The following GPC6 variants were observed in gnomAD, a reference collection of about 807,000 sequenced individuals.
GPC6 encodes glypican-6.
In GPC6, 14 loss-of-function variants were observed where a neutral mutation model predicts 55.2. That is an observed-to-expected ratio of 0.25 (90% CI 0.17 to 0.40). GPC6 has a LOEUF of 0.40. GPC6 is among the 10% of genes least tolerant of loss of function. The pLI, the probability that GPC6 is intolerant of heterozygous loss-of-function variation, is 1.00. For synonymous variants in GPC6, 278 were observed against 259.6 expected (o/e 1.07, Z -0.68); for missense variants, 641 against 708.5 (o/e 0.90, Z 1.08).
chr13:94,081,844 C>CT (rs201141414), intron 4 of GPC6, among the ~76,000 whole-genome samples: 19,162 of 132,944 alleles, frequency 0.14, 2,041 homozygotes, highest in East Asian at 0.46. Flanking sequence ...TACTACTTTC[C>CT]TTTTTTTTTT....
At chr13:93,679,098 C>T (rs1881753541) in intron 2 of GPC6, among the ~76,000 whole-genome samples, 2 of 151,972 alleles carry the variant, frequency 1.3e-5, no homozygotes, top group Non-Finnish European at 2.9e-5. Flanking sequence ...AATTGAGAAA[C>T]ATATTCTGAA....
chr13:93,963,427 C>A (rs975576843), intron 3 of GPC6, among the ~76,000 whole-genome samples: 5 of 152,298 alleles, frequency 3.3e-5, no homozygotes, highest in South Asian at 4.2e-4. Flanking sequence ...GTGATGCAAA[C>A]ATCTTCCACA....
chr13:93,983,429 G>A (rs537623106), intron 3 of GPC6, among the ~76,000 whole-genome samples: 2 of 151,830 alleles, frequency 1.3e-5, no homozygotes, highest in Admixed American at 1.3e-4. Flanking sequence ...TAAATTCATC[G>A]TGTTTTTTTT....
intron 1 of GPC6, among the ~76,000 whole-genome samples, chr13:93,298,400 C>T (rs968836898): frequency 1.3e-5 from 2 of 152,072 alleles, no homozygotes; most frequent in Admixed American, 1.3e-4. Flanking sequence ...AAGTCCTTGT[C>T]CTTCTAGCAG....
At chr13:93,266,533 T>C (rs1368248739) in intron 1 of GPC6, among the ~76,000 whole-genome samples, 1 of 152,184 alleles carries the variant, frequency 6.6e-6, no homozygotes, top group Non-Finnish European at 1.5e-5. Flanking sequence ...GAATAAATAC[T>C]GTTAGGATTC....
rs1317873254 is a variant in GPC6, at chr13:93,343,382, G to A, written c.160+115766G>A. On this transcript the variant is annotated intron_variant, in intron 1 of 8. Coordinates refer to ENST00000377047, the MANE Select transcript of GPC6 (RefSeq NM_005708.5). Reference sequence around the variant, plus strand: ...CTTGGCCAGAGACCATCGAGCCTGTGAGCATTGAAATTTCTTATTGCAAAG... The same window carrying A: ...CTTGGCCAGAGACCATCGAGCCTGTAAGCATTGAAATTTCTTATTGCAAAG... 2.0e-5 allele frequency among the ~76,000 whole-genome samples: 3 copies of A among 152,106 alleles called. No individual in the cohort carries two copies. In the East Asian group the frequency reaches 5.8e-4, roughly 29 times the overall value.
intron 1 of GPC6, among the ~76,000 whole-genome samples, chr13:93,461,601 GAAATCTAAA>G (rs774481940): frequency 9.7e-4 from 131 of 135,216 alleles, no homozygotes; most frequent in Non-Finnish European, 1.7e-3. Context: ...TAAATCATAG[GAAATCTAAA>G]AAATCAGCTA....
intron 1 of GPC6, among the ~76,000 whole-genome samples, chr13:93,515,556 T>A (rs1007744068): frequency 6.6e-6 from 1 of 152,216 alleles, no homozygotes. Context: ...GTGAGCCTTA[T>A]GTTTCTTCAA....
At chr13:94,012,137 C>T (rs1221660943) in intron 3 of GPC6, among the ~76,000 whole-genome samples, 1 of 152,076 alleles carries the variant, frequency 6.6e-6, no homozygotes, top group Non-Finnish European at 1.5e-5. Context: ...TTCTTCATGC[C>T]CATGGAAGTT....
intron 2 of GPC6, among the ~76,000 whole-genome samples, chr13:93,817,337 G>A (rs1442731832): frequency 6.6e-6 from 1 of 152,098 alleles, no homozygotes; most frequent in Non-Finnish European, 1.5e-5. Flanking sequence ...ATTTTGCAGT[G>A]TAGATTTATC....
At chr13:93,565,937 A>AC (rs111729513) in intron 2 of GPC6, among the ~76,000 whole-genome samples, 5,881 of 150,866 alleles carry the variant, frequency 0.039, 410 homozygotes, top group African/African-American at 0.13. Flanking sequence ...AAACAAACAA[A>AC]AAAAAAAAAG....
intron 1 of GPC6, among the ~76,000 whole-genome samples, chr13:93,336,083 AT>A (rs1880035502): frequency 6.6e-6 from 1 of 152,228 alleles, no homozygotes; most frequent in African/African-American, 2.4e-5. Flanking sequence ...ACTTCACATC[AT>A]CATAAAAAAG....
chr13:93,728,758 C>T (rs1365977343), intron 2 of GPC6, among the ~76,000 whole-genome samples: 1 of 151,598 alleles, frequency 6.6e-6, no homozygotes, highest in South Asian at 2.1e-4. Flanking sequence ...GTAGAGACAG[C>T]ATTTCACCAT....
At chr13:93,544,991 C>T (rs151198306) in intron 1 of GPC6, among the ~76,000 whole-genome samples, 8 of 151,982 alleles carry the variant, frequency 5.3e-5, no homozygotes, top group Non-Finnish European at 1.2e-4. Flanking sequence ...AAATAAAAGC[C>T]AGGAAAAAAT....
rs575215623 is a variant in GPC6 at position 93,874,061 on chromosome 13, C to T, written c.711+43516C>T. On this transcript the variant is annotated intron_variant, in intron 3 of 8. Coordinates refer to ENST00000377047, the MANE Select transcript of GPC6 (RefSeq NM_005708.5). Reference sequence around the variant, plus strand: ...TGTCTGGCAGCCAGATTTTAAAAAGCTTTTATTATAGCTTCAGGGGTACAT... The same window carrying T: ...TGTCTGGCAGCCAGATTTTAAAAAGTTTTTATTATAGCTTCAGGGGTACAT... Among the ~76,000 whole-genome samples the T allele has an allele frequency of 2.7e-4, 41 of 151,996 alleles. 1 individual carries two copies. Among genetic ancestry groups the T allele is most frequent in the African/African-American group, 9.2e-4 (38 of 41,528 alleles).
Position 94,306,647 on chromosome 13 carries a change from T to G in GPC6, c.1152+524T>G, listed in dbSNP as rs141514976. Among the ~76,000 whole-genome samples, 252 of 152,326 alleles carry G rather than the reference T, an allele frequency of 1.7e-3. 1 individual carries two copies. Among genetic ancestry groups the G allele is most frequent in the African/African-American group, 5.7e-3 (236 of 41,574 alleles). Reference sequence around the variant, plus strand: ...TTGGAATCCTTAGAATTAGTCACTCTTTGAGCTGTTTAGATGTGTGTCAGG... The same window carrying G: ...TTGGAATCCTTAGAATTAGTCACTCGTTGAGCTGTTTAGATGTGTGTCAGG... On this transcript the variant is annotated intron_variant, in intron 6 of 8. Coordinates refer to ENST00000377047, the MANE Select transcript of GPC6 (RefSeq NM_005708.5).
At chr13:94,112,815 C>T (rs748005417) in intron 4 of GPC6, among the ~76,000 whole-genome samples, 5 of 151,846 alleles carry the variant, frequency 3.3e-5, no homozygotes, top group Non-Finnish European at 7.4e-5. Flanking sequence ...TACAGATTGC[C>T]GAAAGAAAGG....
At chr13:94,000,273 A>G (rs546670087) in intron 3 of GPC6, among the ~76,000 whole-genome samples, 14 of 152,288 alleles carry the variant, frequency 9.2e-5, no homozygotes, top group African/African-American at 3.4e-4. Context: ...TTTGTATTCA[A>G]TTGTGTTCAT....
At chr13:93,563,479 AAAAC>A (rs142103051) in intron 2 of GPC6, among the ~76,000 whole-genome samples, 4,789 of 152,152 alleles carry the variant, frequency 0.031, 237 homozygotes, top group African/African-American at 0.1. Context: ...GGGGGTGGGA[AAAAC>A]AAACAAACAA....
Sources: allele counts gnomAD v4.1 joint callset (sites outside exome capture counted in the v4.1 genomes callset), GRCh38; gene constraint gnomAD v4.1.1; transcripts MANE v1.5; gene names NCBI Gene and HGNC (gene_info 2026-07-23, HGNC 2026-07-21).